Variants in IL32 observed in about 807,000 individuals in gnomAD.
IL32 encodes the protein interleukin 32, also known as interleukin-32.
Under a neutral mutation model 16.6 loss-of-function variants are expected in IL32, and 30 were observed. The observed-to-expected ratio is 1.81, with a 90% confidence interval of 1.35 to 2.45. The LOEUF is 2.45. IL32 is among the 30% of genes most tolerant of loss of function. The pLI, the probability that IL32 is intolerant of heterozygous loss-of-function variation, is 0.00. For missense variants in IL32, 234 were observed against 229.8 expected (o/e 1.02, Z -0.12); for synonymous variants, 70 against 86.1 (o/e 0.81, Z 1.03).
At chr16:3,068,529 T>C (rs1596262781) in intron 6 of IL32, 1 of 464,152 alleles carries the variant, frequency 2.2e-6, no homozygotes, top group South Asian at 2.1e-5. Flanking sequence ...GCCAGGCTGG[T>C]CTTGAACTCC....
Position 3,067,966 on chromosome 16 carries a change from G to T in IL32, c.115-18G>T. On this transcript the variant is annotated intron_variant, in intron 4 of 6. Transcript: ENST00000525643. ...AGAGGAGGCTTGGGCCTGGAACCGA[G>T]TGCTTTGTTCCTAACAGGTGATGTC... The T allele has an allele frequency of 6.2e-7, 1 of 1,614,112 alleles. No homozygotes were observed. The highest frequency in any genetic ancestry group is 8.5e-7 in the Non-Finnish European group (1 of 1,179,944).
intron 2 of IL32, among the ~76,000 whole-genome samples, chr16:3,066,361 C>T (rs978882136): frequency 2.0e-5 from 3 of 152,230 alleles, no homozygotes; most frequent in Non-Finnish European, 4.4e-5. Context: ...CACATGGCTC[C>T]CGCATGTCGG....
intron 2 of IL32, among the ~76,000 whole-genome samples, chr16:3,066,430 C>T (rs74005582): frequency 0.084 from 12,770 of 152,260 alleles, 1,249 homozygotes; most frequent in African/African-American, 0.22. Context: ...GGGACCATCG[C>T]TGCCTGAAAG....
Position 3,067,973 on chromosome 16 carries a change from G to A in IL32, c.115-11G>A, listed in dbSNP as rs371905188. 1.2e-6 allele frequency: 2 copies of A among 1,614,118 alleles called. No homozygotes were observed. Among genetic ancestry groups the A allele is most frequent in the South Asian group, 2.2e-5 (2 of 91,086 alleles). ...GCTTGGGCCTGGAACCGAGTGCTTTGTTCCTAACAGGTGATGTCGAGCCTG... is the reference window on the plus strand; with the variant it reads ...GCTTGGGCCTGGAACCGAGTGCTTTATTCCTAACAGGTGATGTCGAGCCTG... On this transcript the variant is annotated splice_polypyrimidine_tract_variant and intron_variant, in intron 4 of 6. Transcript: ENST00000525643.
chr16:3,065,836 A>G lies in IL32; in HGVS notation c.15+10A>G, dbSNP rs924109828. 1 of 1,613,992 alleles carries G rather than the reference A, an allele frequency of 6.2e-7. No homozygotes were observed. ...CATGTGCTTCCCGAAGGTGAGTGAG[A>G]GGCTGCGTGTGCTTTTGTGGGCATG... On this transcript the variant is annotated intron_variant, in intron 2 of 6. Transcript: ENST00000525643.
chr16:3,066,876 C>T (rs1167059117), intron 2 of IL32, among the ~76,000 whole-genome samples: 3 of 151,560 alleles, frequency 2.0e-5, no homozygotes, highest in Admixed American at 6.6e-5. Context: ...CGTGTGTGTA[C>T]ATGGGGGGGT....
intron 1 of IL32, 33 bp downstream of exon 1, chr16:3,065,720 C>T (rs895107973): frequency 6.8e-5 from 102 of 1,501,142 alleles, no homozygotes; most frequent in Non-Finnish European, 2.5e-5. Flanking sequence ...GGTGAGGACC[C>T]TCTGGGGAGG....
At position 3,067,271 on chromosome 16, in the gene IL32, C is replaced by CTCTGTGTGTGTG. The variant is rs1317427759; in HGVS notation, c.16-105_16-104insCTGTGTGTGTGT. 3.5e-4 allele frequency: 211 copies of CTCTGTGTGTGTG among 603,652 alleles called. 1 individual carries two copies. In the African/African-American group the frequency reaches 3.6e-3, roughly 10 times the overall value. 37.4% of individuals were successfully genotyped at this position (603,652 alleles called of 1,614,324 possible). Reference sequence around the variant, plus strand: ...TATCCTGTACCTCTGCCATGTGTCTCTGTGTGTGTGTGTGTGTGTGTGTGT... The same window carrying CTCTGTGTGTGTG: ...TATCCTGTACCTCTGCCATGTGTCTCTCTGTGTGTGTGTGTGTGTGTGTGTGTGTGTGTGTGT... On this transcript the variant is annotated intron_variant, in intron 2 of 6. Coordinates refer to ENST00000525643, the MANE Select transcript of IL32 (RefSeq NM_001376923.1).
At chr16:3,068,273 T>C in intron 6 of IL32, 34 bp downstream of exon 6, 4 of 1,521,320 alleles carry the variant, frequency 2.6e-6, no homozygotes, top group Non-Finnish European at 3.6e-6. Flanking sequence ...GCACCTTGCC[T>C]TCCTTCACCT....
chr16:3,069,489 T>C lies in IL32; in HGVS notation c.*134T>C, dbSNP rs12449264. 3,888 of 1,009,110 alleles carry C rather than the reference T, an allele frequency of 3.9e-3. 24 individuals carry two copies. Among genetic ancestry groups the C allele is most frequent in the East Asian group, 0.022 (881 of 39,652 alleles). 62.5% of individuals were successfully genotyped at this position (1,009,110 alleles called of 1,614,324 possible). A position where few individuals can be genotyped will look rare whatever the true frequency, so the allele number is the denominator to read the frequency against. On this transcript the variant is annotated 3_prime_UTR_variant, in exon 7 of 7. Coordinates refer to ENST00000525643, the MANE Select transcript of IL32 (RefSeq NM_001376923.1). ...CGTTCCTGCCGCAGCTCTGACCTGG[T>C]GCTGTCGCCCTGGCATCTTAATAAA...
intron 2 of IL32, 102 bp from the exon 3 acceptor site, chr16:3,067,275 G>GTGTGTGTGTCTC (rs1555442496): frequency 3.2e-4 from 65 of 204,408 alleles, no homozygotes; most frequent in Non-Finnish European, 4.8e-4. Flanking sequence ...GTGTCTCTGT[G>GTGTGTGTGTCTC]TGTGTGTGTG....
intron 6 of IL32, chr16:3,068,451 A>AC (rs1383340451): frequency 1.8e-5 from 10 of 566,242 alleles, no homozygotes; most frequent in Non-Finnish European, 2.8e-5. Context: ...GACTACAGGC[A>AC]CCCGCCACCA....
chr16:3,068,500 A>C, intron 6 of IL32: 1 of 489,478 alleles, frequency 2.0e-6, no homozygotes, highest in Non-Finnish European at 3.7e-6. Flanking sequence ...TTTAGTAGAG[A>C]CCAGGTTTCA....
chr16:3,068,804 G>C, intron 6 of IL32, 186 bp from the exon 7 acceptor site: 2 of 904,338 alleles, frequency 2.2e-6, no homozygotes, highest in Non-Finnish European at 3.3e-6. Flanking sequence ...CACTGCCATG[G>C]AGGTGAATGC....
intron 2 of IL32, among the ~76,000 whole-genome samples, chr16:3,066,923 C>A (rs918195736): frequency 6.7e-6 from 1 of 149,064 alleles, no homozygotes; most frequent in Non-Finnish European, 1.5e-5. Context: ...CCCACGCAGG[C>A]CCTGCTCTTG....
chr16:3,067,781 T>A, intron 4 of IL32, 168 bp downstream of exon 4: 1 of 807,798 alleles, frequency 1.2e-6, no homozygotes, highest in Non-Finnish European at 2.0e-6. Context: ...GGGTGGGGGA[T>A]CTGGACGCCC....
Position 3,068,194 on chromosome 16 carries a change from G to C in IL32, c.156G>C (p.Glu52Asp), listed in dbSNP as rs747208885. The C allele has an allele frequency of 6.9e-6, 11 of 1,604,344 alleles. No homozygotes were observed. In the East Asian group the frequency reaches 2.0e-4, roughly 29 times the overall value. Residue 52 changes from glutamate to aspartate, a missense_variant, in exon 6 of 7, where the codon GAG becomes GAC. By Grantham distance (45) the Glu-to-Asp change is conservative. Transcript: ENST00000525643. ...CCTCTCCCCAGGACGACTTCAAAGA[G>C]GGCTACCTGGAGACAGTGGCGGCTT... ...SLAELEDDFKEGYLETVAAYY... is the reference protein window; with the variant it reads ...SLAELEDDFKDGYLETVAAYY...
intron 4 of IL32, 123 bp from the exon 5 acceptor site, chr16:3,067,861 C>G (rs780625012): frequency 1.7e-6 from 2 of 1,189,684 alleles, no homozygotes; most frequent in African/African-American, 1.5e-5. Context: ...AGACGTGGCC[C>G]GGGCCCCTGG....
intron 2 of IL32, among the ~76,000 whole-genome samples, chr16:3,066,375 G>A (rs570889588): frequency 2.0e-5 from 3 of 152,344 alleles, no homozygotes; most frequent in African/African-American, 4.8e-5. Context: ...ATGTCGGCAC[G>A]GTGCTGCTTT....
Sources: allele counts gnomAD v4.1 joint callset (sites outside exome capture counted in the v4.1 genomes callset), GRCh38; gene constraint gnomAD v4.1.1; transcripts MANE v1.5; gene names NCBI Gene and HGNC (gene_info 2026-07-23, HGNC 2026-07-21).